The following THSD7A variants were observed in gnomAD, a reference collection of about 807,000 sequenced individuals.
THSD7A encodes the protein thrombospondin type-1 domain-containing protein 7A.
In THSD7A, 96 loss-of-function variants were observed where a neutral mutation model predicts 231.3. That is an observed-to-expected ratio of 0.41 (90% CI 0.35 to 0.49). The LOEUF (loss-of-function observed/expected upper bound fraction) is 0.49, where lower values mean the gene tolerates loss of function less well. THSD7A is among the 20% of genes least tolerant of loss of function. The pLI is 0.05. For missense variants in THSD7A, 2,290 were observed against 2,070.2 expected, an observed-to-expected ratio of 1.11 and a Z score of -2.06; for synonymous variants, 940 against 743.3, an observed-to-expected ratio of 1.26 and a Z score of -4.30.
chr7:11,763,832 TA>T (rs1782942535), intron 1 of THSD7A, among the ~76,000 whole-genome samples: 1 of 152,282 alleles, frequency 6.6e-6, no homozygotes, highest in African/African-American at 2.4e-5. Context: ...CCTCAGGATT[TA>T]AAGGTGATAT....
intron 4 of THSD7A, among the ~76,000 whole-genome samples, chr7:11,557,422 G>C (rs1326322529): frequency 6.6e-6 from 1 of 151,816 alleles, no homozygotes; most frequent in Non-Finnish European, 1.5e-5. Flanking sequence ...TATCTTGTTG[G>C]ATAATTCTAA....
At chr7:11,451,117 GA>G (rs1785129535) in intron 11 of THSD7A, among the ~76,000 whole-genome samples, 1 of 151,964 alleles carries the variant, frequency 6.6e-6, no homozygotes, top group African/African-American at 2.4e-5. Context: ...TCAATATTGG[GA>G]AAATGCTGTA....
At chr7:11,714,056 G>T (rs547649991) in intron 1 of THSD7A, among the ~76,000 whole-genome samples, 1 of 151,098 alleles carries the variant, frequency 6.6e-6, no homozygotes, top group African/African-American at 2.4e-5. Flanking sequence ...TGTACATTGG[G>T]TCACAATTTT....
intron 8 of THSD7A, among the ~76,000 whole-genome samples, chr7:11,473,887 T>A (rs549153386): frequency 6.6e-6 from 1 of 152,254 alleles, no homozygotes; most frequent in South Asian, 2.1e-4. Flanking sequence ...TTTGATATAG[T>A]GTTTTCTAGG....
At chr7:11,665,708 TG>T (rs1270887485) in intron 1 of THSD7A, among the ~76,000 whole-genome samples, 1 of 152,156 alleles carries the variant, frequency 6.6e-6, no homozygotes, top group Non-Finnish European at 1.5e-5. Context: ...GATTGGAGTC[TG>T]GCTCAGTCAC....
chr7:11,707,872 T>C (rs182269203), intron 1 of THSD7A, among the ~76,000 whole-genome samples: 1 of 151,046 alleles, frequency 6.6e-6, no homozygotes, highest in East Asian at 2.0e-4. Flanking sequence ...CTATCTTTTC[T>C]ACTTTCTTTT....
intron 1 of THSD7A, among the ~76,000 whole-genome samples, chr7:11,780,635 T>C (rs927807151): frequency 1.8e-4 from 28 of 152,242 alleles, no homozygotes; most frequent in African/African-American, 6.7e-4. Context: ...TGCATCCTCG[T>C]GAAAAACTGT....
intron 6 of THSD7A, among the ~76,000 whole-genome samples, chr7:11,525,357 T>G (rs953120590): frequency 6.6e-6 from 1 of 152,124 alleles, no homozygotes; most frequent in African/African-American, 2.4e-5. Flanking sequence ...TCATGTCAAA[T>G]TGAAAATAAA....
chr7:11,825,405 A>G (rs1784996307), intron 1 of THSD7A, among the ~76,000 whole-genome samples: 1 of 152,058 alleles, frequency 6.6e-6, no homozygotes, highest in South Asian at 2.1e-4. Flanking sequence ...CCATTCTATA[A>G]TGGTGTCTCC....
At chr7:11,627,692 C>T (rs1374047752) in intron 2 of THSD7A, among the ~76,000 whole-genome samples, 1 of 151,966 alleles carries the variant, frequency 6.6e-6, no homozygotes, top group Non-Finnish European at 1.5e-5. Flanking sequence ...GAGGGATGTT[C>T]AATGGGAATT....
intron 1 of THSD7A, among the ~76,000 whole-genome samples, chr7:11,663,582 C>T (rs1783013883): frequency 6.6e-6 from 1 of 151,438 alleles, no homozygotes; most frequent in Admixed American, 6.6e-5. Flanking sequence ...TCTGAGAAGA[C>T]ATATTACAAG....
chr7:11,468,368 G>A (rs1387308256), intron 9 of THSD7A, among the ~76,000 whole-genome samples: 2 of 150,774 alleles, frequency 1.3e-5, no homozygotes. Context: ...ACTGCCAACT[G>A]TGACCGGTGT....
At chr7:11,559,166 ACT>A (rs1789973562) in intron 4 of THSD7A, among the ~76,000 whole-genome samples, 1 of 151,470 alleles carries the variant, frequency 6.6e-6, no homozygotes, top group South Asian at 2.1e-4. Context: ...TTCTGCCAAC[ACT>A]CTGAATGAGC....
At chr7:11,424,983 A>T in intron 15 of THSD7A, 154 bp from the exon 16 acceptor site, 2 of 940,346 alleles carry the variant, frequency 2.1e-6, no homozygotes, top group Non-Finnish European at 3.2e-6. Flanking sequence ...AGAGAACTCA[A>T]GAGTTCTAGC....
chr7:11,641,746 C>CTAAAATAAAA (rs199724403), intron 1 of THSD7A, among the ~76,000 whole-genome samples: 1 of 149,004 alleles, frequency 6.7e-6, no homozygotes, highest in African/African-American at 2.4e-5. Flanking sequence ...ATGATTGAAC[C>CTAAAATAAAA]TAAAATAAAA....
intron 6 of THSD7A, among the ~76,000 whole-genome samples, chr7:11,516,779 A>T (rs1230202633): frequency 6.6e-6 from 1 of 152,196 alleles, no homozygotes; most frequent in Non-Finnish European, 1.5e-5. Context: ...TAATAATTTC[A>T]TAGGAGGCAC....
intron 1 of THSD7A, among the ~76,000 whole-genome samples, chr7:11,778,324 A>T (rs1405313467): frequency 4.6e-5 from 7 of 152,074 alleles, no homozygotes; most frequent in African/African-American, 1.7e-4. Flanking sequence ...ACACAATTTA[A>T]CACTTTCTTC....
rs536987320 is a variant in THSD7A at position 11,396,900 on chromosome 7, G to A, written c.4411+4895C>T. Among the ~76,000 whole-genome samples the A allele has an allele frequency of 2.7e-3, 405 of 152,232 alleles. 3 individuals are homozygous for A. The highest frequency in any genetic ancestry group is 6.6e-3 in the South Asian group (32 of 4,826). On this transcript the variant is annotated intron_variant, in intron 23 of 27. Coordinates refer to ENST00000423059, the MANE Select transcript of THSD7A (RefSeq NM_015204.3). ...ATCCACAATCACATACTGGCACATC[G>A]AATCCAGCAGCACATCAAAAAGCTT...
chr7:11,791,256 T>C (rs1783944516), intron 1 of THSD7A, among the ~76,000 whole-genome samples: 1 of 152,056 alleles, frequency 6.6e-6, no homozygotes, highest in Non-Finnish European at 1.5e-5. Flanking sequence ...CTGCTTGCTC[T>C]GAGTGAGTTC....
Sources: allele counts gnomAD v4.1 joint callset (sites outside exome capture counted in the v4.1 genomes callset), GRCh38; gene constraint gnomAD v4.1.1; transcripts MANE v1.5; gene names NCBI Gene and HGNC (gene_info 2026-07-23, HGNC 2026-07-21).